The following CCNJL variants were observed in gnomAD, a reference collection of about 807,000 sequenced individuals.
CCNJL encodes the protein cyclin J like, also known as cyclin-J-like protein.
Under a neutral mutation model 33.4 loss-of-function variants are expected in CCNJL, and 33 were observed. The observed-to-expected ratio is 0.99, with a 90% CI of 0.75 to 1.32. The LOEUF (loss-of-function observed/expected upper bound fraction) is 1.32, where lower values mean the gene tolerates loss of function less well. Ranked by LOEUF, CCNJL falls within the 40% of genes most tolerant of loss-of-function variation. CCNJL has a pLI of 0.00. For synonymous variants in CCNJL, 227 were observed against 220.9 expected (o/e 1.03, Z -0.24); for missense variants, 512 against 499.7 (o/e 1.02, Z -0.23).
In CCNJL at chr5:160,253,253, A is replaced by C; in HGVS notation, c.*125T>G. Reference sequence around the variant, plus strand: ...TCAGTTTTATTTAAAAGGAGCACAGACCCTCCACGTTCCAAGGCTCTTCAG... The same window carrying C: ...TCAGTTTTATTTAAAAGGAGCACAGCCCCTCCACGTTCCAAGGCTCTTCAG... On this transcript the variant is annotated 3_prime_UTR_variant, in exon 6 of 6. Transcript: ENST00000257536. 2 of 857,028 alleles carry C rather than the reference A, an allele frequency of 2.3e-6. No homozygotes were observed. The highest frequency in any genetic ancestry group is 3.5e-6 in the Non-Finnish European group (2 of 572,560). 53.1% of individuals were successfully genotyped at this position (857,028 alleles called of 1,614,324 possible).
At chr5:160,281,954 C>A (rs963339268) in intron 2 of CCNJL, among the ~76,000 whole-genome samples, 2 of 152,124 alleles carry the variant, frequency 1.3e-5, no homozygotes, top group Non-Finnish European at 2.9e-5. Flanking sequence ...TCAAGCCCAG[C>A]CTAGACACTA....
intron 3 of CCNJL, among the ~76,000 whole-genome samples, chr5:160,279,048 G>A (rs572648846): frequency 6.6e-6 from 1 of 152,344 alleles, no homozygotes; most frequent in South Asian, 2.1e-4. Context: ...ACGAACAACA[G>A]CAGGTAAAAG....
chr5:160,267,583 G>GC (rs764316984), intron 3 of CCNJL, among the ~76,000 whole-genome samples: 5 of 151,992 alleles, frequency 3.3e-5, no homozygotes, highest in Non-Finnish European at 7.4e-5. Context: ...CAGTCACAAG[G>GC]CCCCCTGCAA....
chr5:160,320,829 CTTTCTTTCTTTCTT>C (rs1763436408), intron 1 of CCNJL, among the ~76,000 whole-genome samples: 1 of 119,642 alleles, frequency 8.4e-6, no homozygotes, highest in Non-Finnish European at 1.8e-5. Flanking sequence ...TTCTTTCTTT[CTTTCTTTCTTTCTT>C]TCTTTCCTTC....
At chr5:160,304,846 G>A (rs376552637) in intron 2 of CCNJL, among the ~76,000 whole-genome samples, 2 of 147,248 alleles carry the variant, frequency 1.4e-5, no homozygotes, top group Non-Finnish European at 3.0e-5. Context: ...AGGAAATCTC[G>A]CTCTGTCACC....
intron 2 of CCNJL, among the ~76,000 whole-genome samples, chr5:160,308,983 G>C (rs1048071765): frequency 6.6e-6 from 1 of 152,240 alleles, no homozygotes; most frequent in Non-Finnish European, 1.5e-5. Context: ...TCCAGGAACA[G>C]AAAGGAGGTC....
intron 3 of CCNJL, among the ~76,000 whole-genome samples, chr5:160,278,705 C>T (rs868577543): frequency 1.3e-5 from 2 of 152,274 alleles, no homozygotes; most frequent in South Asian, 2.1e-4. Flanking sequence ...GACAGACACT[C>T]GGGGAGAGCT....
intron 5 of CCNJL, chr5:160,254,312 A>C: frequency 1.5e-6 from 1 of 671,814 alleles, no homozygotes; most frequent in Non-Finnish European, 2.7e-6. Context: ...GCTGGGGCCT[A>C]GGATTTTTCA....
At chr5:160,301,632 T>G (rs1348710131) in intron 2 of CCNJL, among the ~76,000 whole-genome samples, 2 of 151,196 alleles carry the variant, frequency 1.3e-5, no homozygotes, top group African/African-American at 4.9e-5. Flanking sequence ...AGATGGGATT[T>G]CACCATGTTG....
upstream of CCNJL, among the ~76,000 whole-genome samples, chr5:160,317,458 A>G (rs529823184): frequency 2.0e-5 from 3 of 152,350 alleles, no homozygotes; most frequent in African/African-American, 7.2e-5. Flanking sequence ...CCTTCAGGAC[A>G]GTGAAGCATG....
chr5:160,250,186 C>G lies in CCNJL; in HGVS notation c.*3192G>C, dbSNP rs558320311. 1 of 152,230 alleles carries G rather than the reference C, an allele frequency of 6.6e-6. No homozygotes were observed. Among genetic ancestry groups the G allele is most frequent in the Non-Finnish European group, 1.5e-5 (1 of 68,062 alleles). The allele number at this position is 152,230 out of a possible 1,614,324, so 9.4% of individuals were successfully genotyped here. A position where few individuals can be genotyped will look rare whatever the true frequency, so the allele number is the denominator to read the frequency against. On this transcript the variant is annotated 3_prime_UTR_variant, in exon 6 of 6. Coordinates refer to ENST00000257536, the MANE Select transcript of CCNJL (RefSeq NM_001308173.3). ...CAGCCTCTGTGGCACAGTCTCCCCC[C>G]GCCCCAAGAGCTTAGAACCATCCAC...
chr5:160,306,872 C>G (rs1260366191), intron 2 of CCNJL, among the ~76,000 whole-genome samples: 1 of 152,218 alleles, frequency 6.6e-6, no homozygotes, highest in African/African-American at 2.4e-5. Flanking sequence ...GATCCTTAAG[C>G]TGTACTTTGG....
intron 3 of CCNJL, among the ~76,000 whole-genome samples, chr5:160,273,642 CTTTTTT>C (rs56869675): frequency 2.0e-5 from 2 of 97,738 alleles, no homozygotes; most frequent in Non-Finnish European, 3.8e-5. Context: ...AGTGCCGCCA[CTTTTTT>C]TTTTTTTTTT....
At chr5:160,257,502 A>G (rs1204873038) in intron 4 of CCNJL, among the ~76,000 whole-genome samples, 1 of 148,910 alleles carries the variant, frequency 6.7e-6, no homozygotes, top group African/African-American at 2.6e-5. Flanking sequence ...AATAAAATAA[A>G]ATCCTAGCAA....
chr5:160,272,279 G>C (rs1028135812), intron 3 of CCNJL, among the ~76,000 whole-genome samples: 2 of 152,192 alleles, frequency 1.3e-5, no homozygotes, highest in African/African-American at 4.8e-5. Flanking sequence ...ATCAAAGCAG[G>C]GGTGAGTGGG....
rs1382362123 is a variant in CCNJL, at chr5:160,249,802, AAAT to A, written c.*3573_*3575del. ...TAAATAAATAAATAAATAAATAAAT[AAAT>A]AAAATAAAAATTTAAAAAATCAAAC... On this transcript the variant is annotated 3_prime_UTR_variant, in exon 6 of 6. Transcript: ENST00000257536. 2 of 143,556 alleles carry A rather than the reference AAAT, an allele frequency of 1.4e-5. No homozygotes were observed. Among genetic ancestry groups the A allele is most frequent in the African/African-American group, 2.7e-5 (1 of 36,958 alleles). 8.9% of individuals were successfully genotyped at this position (143,556 alleles called of 1,614,324 possible). A position where few individuals can be genotyped will look rare whatever the true frequency, so the allele number is the denominator to read the frequency against.
At chr5:160,289,443 T>C (rs1031471646) in intron 2 of CCNJL, among the ~76,000 whole-genome samples, 1 of 152,064 alleles carries the variant, frequency 6.6e-6, no homozygotes, top group African/African-American at 2.4e-5. Flanking sequence ...TTATCTACCC[T>C]GGCTTCCTTC....
chr5:160,274,389 G>A (rs944472518), intron 3 of CCNJL, among the ~76,000 whole-genome samples: 7 of 152,068 alleles, frequency 4.6e-5, no homozygotes, highest in African/African-American at 1.7e-4. Context: ...AACCCAGGAG[G>A]CAGAGGTTGC....
At chr5:160,313,907 C>T (rs970766299), upstream of CCNJL, among the ~76,000 whole-genome samples, 1 of 152,230 alleles carries the variant, frequency 6.6e-6, no homozygotes, top group Non-Finnish European at 1.5e-5. Flanking sequence ...TGGCTCACGC[C>T]TGTAATCCCA....
Sources: gnomAD v4.1 joint callset for allele counts (sites outside exome capture counted in the v4.1 genomes callset) on GRCh38, gnomAD v4.1.1 for gene constraint, MANE v1.5 for transcripts, NCBI Gene and HGNC (gene_info 2026-07-23, HGNC 2026-07-21) for gene names.